Variants in LDB2 observed in about 807,000 individuals in gnomAD.
The protein encoded by LDB2 is LIM domain-binding protein 2.
LDB2 carries 12 observed loss-of-function variants against 44.3 expected under a neutral mutation model. That is an observed-to-expected ratio of 0.27 (90% CI 0.17 to 0.44). The LOEUF (loss-of-function observed/expected upper bound fraction) is 0.44, where lower values mean the gene tolerates loss of function less well. LDB2 is among the 20% of genes least tolerant of loss of function. The probability of loss-of-function intolerance (pLI) is 1.00; values close to 1 mark genes in which losing one functional copy is unlikely to be tolerated. For missense variants in LDB2, 344 were observed against 473.5 expected, an observed-to-expected ratio of 0.73 and a Z score of 2.54; for synonymous variants, 164 against 174.8, an observed-to-expected ratio of 0.94 and a Z score of 0.49.
intron 1 of LDB2, among the ~76,000 whole-genome samples, chr4:16,882,756 G>GA (rs1282661962): frequency 6.6e-6 from 1 of 151,812 alleles, no homozygotes; most frequent in Admixed American, 6.6e-5. Flanking sequence ...TTTGAGTCCA[G>GA]AAAAAAATAG....
chr4:16,765,777 T>C (rs1769073874), intron 1 of LDB2, among the ~76,000 whole-genome samples: 1 of 152,334 alleles, frequency 6.6e-6, no homozygotes, highest in Admixed American at 6.5e-5. Context: ...GTCACATCAC[T>C]GTTATCTCAT....
At chr4:16,511,924 C>T in intron 6 of LDB2, 57 bp downstream of exon 6, 2 of 1,554,830 alleles carry the variant, frequency 1.3e-6, no homozygotes, top group East Asian at 2.3e-5. Context: ...ATCACTTCAT[C>T]CCTGGAAGAC....
chr4:16,693,350 T>G, intron 2 of LDB2, among the ~76,000 whole-genome samples: 1 of 72,452 alleles, frequency 1.4e-5, no homozygotes, highest in Admixed American at 1.2e-4. Context: ...AATAGTTCTT[T>G]TTTTTTTTTT....
chr4:16,773,946 A>G (rs1265956339), intron 1 of LDB2, among the ~76,000 whole-genome samples: 11 of 149,516 alleles, frequency 7.4e-5, no homozygotes, highest in Non-Finnish European at 3.0e-5. Flanking sequence ...CGAGGTCAGG[A>G]GTTCAAGACC....
chr4:16,881,074 C>A (rs1229463260), intron 1 of LDB2, among the ~76,000 whole-genome samples: 1 of 152,142 alleles, frequency 6.6e-6, no homozygotes, highest in Non-Finnish European at 1.5e-5. Context: ...GAACCAAAAT[C>A]GAAGTCATCA....
intron 1 of LDB2, among the ~76,000 whole-genome samples, chr4:16,783,786 C>G (rs1773824299): frequency 6.6e-6 from 1 of 152,206 alleles, no homozygotes; most frequent in South Asian, 2.1e-4. Flanking sequence ...AGAGAGTTTG[C>G]ATTATTAAAT....
intron 2 of LDB2, among the ~76,000 whole-genome samples, chr4:16,640,754 C>T (rs1055136499): frequency 6.6e-6 from 1 of 152,158 alleles, no homozygotes; most frequent in African/African-American, 2.4e-5. Flanking sequence ...CAGGATCAAA[C>T]TCAGATAGTC....
chr4:16,647,329 G>A (rs1176222077), intron 2 of LDB2, among the ~76,000 whole-genome samples: 7 of 152,268 alleles, frequency 4.6e-5, no homozygotes, highest in East Asian at 1.9e-4. Flanking sequence ...TTAGAGTGAT[G>A]AAAATGTTCT....
At chr4:16,746,930 A>T (rs543021490) in intron 2 of LDB2, among the ~76,000 whole-genome samples, 2 of 152,368 alleles carry the variant, frequency 1.3e-5, no homozygotes, top group East Asian at 3.9e-4. Context: ...CTGGTTGGCC[A>T]CAAAGCCCAG....
intron 1 of LDB2, among the ~76,000 whole-genome samples, chr4:16,818,452 T>G (rs6823913): frequency 2.0e-5 from 3 of 152,232 alleles, no homozygotes; most frequent in Non-Finnish European, 2.9e-5. Context: ...CCAGGTATTA[T>G]AGAGAAAGTT....
intron 2 of LDB2, among the ~76,000 whole-genome samples, chr4:16,679,024 G>T (rs1747093602): frequency 6.6e-6 from 1 of 152,170 alleles, no homozygotes; most frequent in African/African-American, 2.4e-5. Flanking sequence ...TCATTGTTAG[G>T]TTATAGAGAC....
At chr4:16,749,182 G>A (rs1318125341) in intron 2 of LDB2, among the ~76,000 whole-genome samples, 1 of 152,070 alleles carries the variant, frequency 6.6e-6, no homozygotes, top group Non-Finnish European at 1.5e-5. Context: ...AGACTATGTG[G>A]TGAAATACTC....
Position 16,502,482 on chromosome 4 carries a change from AAAAAAAG to A in LDB2, c.*154_*160del. On this transcript the variant is annotated 3_prime_UTR_variant, in exon 8 of 8. Transcript: ENST00000304523. Reference sequence around the variant, plus strand: ...TACTGGGAATAATCCTCTCAATTAGAAAAAAAGAAAGAAGAAAGAAAATCAGATCATT... The same window carrying A: ...TACTGGGAATAATCCTCTCAATTAGAAAAGAAGAAAGAAAATCAGATCATT... The A allele has an allele frequency of 9.3e-7, 1 of 1,078,988 alleles. No homozygotes were observed. The highest frequency in any genetic ancestry group is 1.6e-5 in the South Asian group (1 of 62,456). The allele number at this position is 1,078,988 out of a possible 1,614,324, so 66.8% of individuals were successfully genotyped here. A position where few individuals can be genotyped will look rare whatever the true frequency, so the allele number is the denominator to read the frequency against.
chr4:16,678,268 C>T (rs970730998), intron 2 of LDB2, among the ~76,000 whole-genome samples: 1 of 152,194 alleles, frequency 6.6e-6, no homozygotes, highest in African/African-American at 2.4e-5. Context: ...AAGGTCAACT[C>T]AAGAGTTATT....
At chr4:16,689,843 T>C (rs565975988) in intron 2 of LDB2, among the ~76,000 whole-genome samples, 15 of 152,240 alleles carry the variant, frequency 9.9e-5, no homozygotes, top group African/African-American at 2.7e-4. Flanking sequence ...CTAAATATTA[T>C]ACAACCTAAT....
At chr4:16,624,754 C>A (rs1329745052) in intron 2 of LDB2, among the ~76,000 whole-genome samples, 1 of 152,210 alleles carries the variant, frequency 6.6e-6, no homozygotes, top group African/African-American at 2.4e-5. Flanking sequence ...CCAGCATGGT[C>A]TCTTCCACAT....
intron 6 of LDB2, among the ~76,000 whole-genome samples, chr4:16,510,762 A>C (rs1402667297): frequency 6.6e-6 from 1 of 152,174 alleles, no homozygotes; most frequent in African/African-American, 2.4e-5. Context: ...GTAAGGATTC[A>C]ATATTTTTGC....
At chr4:16,722,358 C>T in intron 2 of LDB2, among the ~76,000 whole-genome samples, 1 of 152,120 alleles carries the variant, frequency 6.6e-6, no homozygotes, top group East Asian at 1.9e-4. Flanking sequence ...CCACATTTAA[C>T]CACCTGCTAC....
At chr4:16,509,567 T>G (rs139257839) in intron 6 of LDB2, among the ~76,000 whole-genome samples, 2,120 of 152,348 alleles carry the variant, frequency 0.014, 20 homozygotes, top group Middle Eastern at 0.037. Flanking sequence ...ATGTAATGCT[T>G]GTCACTATTC....
Sources: allele counts gnomAD v4.1 joint callset (sites outside exome capture counted in the v4.1 genomes callset), GRCh38; gene constraint gnomAD v4.1.1; transcripts MANE v1.5; gene names NCBI Gene and HGNC (gene_info 2026-07-23, HGNC 2026-07-21).